RPSA2: variants seen among roughly 807,000 people sequenced by gnomAD.
RPSA2 encodes small ribosomal subunit protein uS2B.
At chr19:23,833,825 A>G in the RPSA2 span, among the ~76,000 whole-genome samples, 1 of 152,098 alleles carries the variant, frequency 6.6e-6, no homozygotes, top group African/African-American at 2.4e-5. Context: ...GGGTTGTAAT[A>G]CCTTTACTTG....
chr19:23,769,511 T>G, the RPSA2 span, among the ~76,000 whole-genome samples: 2 of 152,210 alleles, frequency 1.3e-5, no homozygotes, highest in African/African-American at 2.4e-5. Flanking sequence ...AGTCAGCTAC[T>G]TTTTGTATTT....
the RPSA2 span, among the ~76,000 whole-genome samples, chr19:23,782,982 T>C: frequency 6.6e-6 from 1 of 152,070 alleles, no homozygotes; most frequent in African/African-American, 2.4e-5. Context: ...CTGCTACTGC[T>C]TGGGGTGTGC....
chr19:23,815,057 G>A, the RPSA2 span, among the ~76,000 whole-genome samples: 1 of 152,026 alleles, frequency 6.6e-6, no homozygotes, highest in East Asian at 1.9e-4. Context: ...TGTTGCCCAG[G>A]CTGGCCTCAA....
chr19:23,832,768 C>A, the RPSA2 span: 30 of 1,555,602 alleles, frequency 1.9e-5, no homozygotes, highest in Non-Finnish European at 1.8e-5. Flanking sequence ...AATCCTTACT[C>A]GACATAAGAT....
the RPSA2 span, among the ~76,000 whole-genome samples, chr19:23,801,397 C>G: frequency 7.9e-4 from 121 of 152,244 alleles, no homozygotes; most frequent in African/African-American, 2.8e-3. Context: ...TGCCATCACA[C>G]CTGGCTAATT....
At chr19:23,808,509 A>G in the RPSA2 span, among the ~76,000 whole-genome samples, 148,749 of 152,074 alleles carry the variant, frequency 0.98, 72,844 homozygotes, top group Middle Eastern at 1. Context: ...TCGTGATCCC[A>G]GCCTCCCAAA....
At chr19:23,802,796 A>G in the RPSA2 span, among the ~76,000 whole-genome samples, 148,887 of 152,226 alleles carry the variant, frequency 0.98, 72,904 homozygotes, top group Middle Eastern at 1. Flanking sequence ...AACTGGATAA[A>G]TGATTTAATT....
chr19:23,780,793 C>T, the RPSA2 span, among the ~76,000 whole-genome samples: 4 of 152,212 alleles, frequency 2.6e-5, no homozygotes, highest in Non-Finnish European at 2.9e-5. Context: ...ATACAGTCCT[C>T]AAGAGAGTGC....
At chr19:23,865,852 G>A in the RPSA2 span, among the ~76,000 whole-genome samples, 2 of 152,174 alleles carry the variant, frequency 1.3e-5, no homozygotes, top group Non-Finnish European at 2.9e-5. Context: ...TTAAAAACTG[G>A]TGTGGTTAAT....
the RPSA2 span, among the ~76,000 whole-genome samples, chr19:23,804,341 G>C: frequency 4.0e-3 from 554 of 138,772 alleles, 4 homozygotes; most frequent in African/African-American, 0.014. Context: ...CTGTCGCCCA[G>C]GCTGGAGTGC....
At chr19:23,800,285 ACCC>A in the RPSA2 span, among the ~76,000 whole-genome samples, 3 of 151,144 alleles carry the variant, frequency 2.0e-5, no homozygotes, top group Admixed American at 2.0e-4. Flanking sequence ...TTCATGATCG[ACCC>A]GCCTTGGCCT....
chr19:23,804,563 G>A, the RPSA2 span, among the ~76,000 whole-genome samples: 55 of 152,230 alleles, frequency 3.6e-4, no homozygotes, highest in African/African-American at 1.3e-3. Flanking sequence ...CCAAAGTGCT[G>A]TGATTACAGG....
At chr19:23,867,989 C>G in the RPSA2 span, among the ~76,000 whole-genome samples, 761 of 152,282 alleles carry the variant, frequency 5.0e-3, 10 homozygotes, top group African/African-American at 0.017. Context: ...TCAACTTCAT[C>G]TGTTGGTGAA....
chr19:23,837,214 A>T, the RPSA2 span, among the ~76,000 whole-genome samples: 1 of 152,242 alleles, frequency 6.6e-6, no homozygotes, highest in Non-Finnish European at 1.5e-5. Flanking sequence ...CTAGCCTATT[A>T]TCCCAGTACC....
chr19:23,850,678 G>A, the RPSA2 span, among the ~76,000 whole-genome samples: 10 of 151,742 alleles, frequency 6.6e-5, no homozygotes, highest in South Asian at 6.3e-4. Flanking sequence ...CGTTATAATC[G>A]CTCCAGGTTC....
the RPSA2 span, among the ~76,000 whole-genome samples, chr19:23,859,403 C>A: frequency 2.0e-5 from 3 of 152,144 alleles, no homozygotes; most frequent in East Asian, 5.8e-4. Context: ...CTGTGGTGGG[C>A]GAATCACCTG....
chr19:23,804,593 C>T, the RPSA2 span, among the ~76,000 whole-genome samples: 6 of 152,164 alleles, frequency 3.9e-5, no homozygotes, highest in Non-Finnish European at 5.9e-5. Context: ...CCGCGTCCGG[C>T]CTGTGCCTCA....
the RPSA2 span, among the ~76,000 whole-genome samples, chr19:23,844,860 T>C: frequency 6.6e-6 from 1 of 151,432 alleles, no homozygotes; most frequent in East Asian, 2.0e-4. Flanking sequence ...TTTATACATT[T>C]GGTAGAATTT....
At chr19:23,786,880 A>G in the RPSA2 span, among the ~76,000 whole-genome samples, 11 of 152,054 alleles carry the variant, frequency 7.2e-5, no homozygotes, top group Admixed American at 2.6e-4. Context: ...ATGTCTCTGC[A>G]TTCCTCACCT....
Sources: gnomAD v4.1 joint callset for allele counts (sites outside exome capture counted in the v4.1 genomes callset) on GRCh38, gnomAD v4.1.1 for gene constraint, MANE v1.5 for transcripts, NCBI Gene and HGNC (gene_info 2026-07-23, HGNC 2026-07-21) for gene names.